GPAT4: variants seen among roughly 807,000 people sequenced by gnomAD.
The protein encoded by GPAT4 is glycerol-3-phosphate acyltransferase 4.
GPAT4 carries 17 observed loss-of-function variants against 58.0 expected under a neutral mutation model. That is an observed-to-expected ratio of 0.29 (90% CI 0.20 to 0.44). GPAT4 has a LOEUF of 0.44. Among genes scored for constraint, GPAT4 ranks in the 20% least tolerant of loss-of-function variants. GPAT4 has a pLI of 1.00. For missense variants in GPAT4, 377 were observed against 574.5 expected, an observed-to-expected ratio of 0.66 and a Z score of 3.51; for synonymous variants, 204 against 210.1, an observed-to-expected ratio of 0.97 and a Z score of 0.25.
At chr8:41,603,746 G>A (rs1585664560) in intron 2 of GPAT4, among the ~76,000 whole-genome samples, 1 of 151,996 alleles carries the variant, frequency 6.6e-6, no homozygotes, top group Non-Finnish European at 1.5e-5. Context: ...CTCTCAGGCC[G>A]CTTGCCCCTG....
chr8:41,604,965 C>T (rs1422772174), intron 2 of GPAT4, among the ~76,000 whole-genome samples: 1 of 152,074 alleles, frequency 6.6e-6, no homozygotes, highest in Non-Finnish European at 1.5e-5. Flanking sequence ...GTCATCCTAC[C>T]CCCGATGAGG....
intron 1 of GPAT4, among the ~76,000 whole-genome samples, chr8:41,586,478 G>A (rs1002790043): frequency 2.0e-5 from 3 of 152,136 alleles, no homozygotes; most frequent in Non-Finnish European, 2.9e-5. Context: ...ACCATTCTCC[G>A]AGCTGCACTG....
At chr8:41,582,359 GAACC>G (rs1802538771) in intron 1 of GPAT4, among the ~76,000 whole-genome samples, 2 of 151,786 alleles carry the variant, frequency 1.3e-5, no homozygotes, top group African/African-American at 2.4e-5. Flanking sequence ...GTTGCACCTA[GAACC>G]TAAAGGCAGT....
intron 2 of GPAT4, among the ~76,000 whole-genome samples, chr8:41,601,212 A>T (rs1182398042): frequency 6.6e-6 from 1 of 152,102 alleles, no homozygotes; most frequent in East Asian, 1.9e-4. Flanking sequence ...CAGCTGCATG[A>T]GCATCGCCAA....
At chr8:41,584,326 T>C (rs1004680418) in intron 1 of GPAT4, among the ~76,000 whole-genome samples, 1 of 152,196 alleles carries the variant, frequency 6.6e-6, no homozygotes, top group African/African-American at 2.4e-5. Flanking sequence ...CCTAGGTATT[T>C]ACCCAAGAGA....
chr8:41,606,381 T>C (rs1405938795), intron 2 of GPAT4, among the ~76,000 whole-genome samples: 1 of 152,034 alleles, frequency 6.6e-6, no homozygotes, highest in Non-Finnish European at 1.5e-5. Flanking sequence ...TTTGCTTGGT[T>C]TGGGTTTGGG....
At chr8:41,604,659 A>T (rs1360025442) in intron 2 of GPAT4, among the ~76,000 whole-genome samples, 1 of 152,250 alleles carries the variant, frequency 6.6e-6, no homozygotes, top group Non-Finnish European at 1.5e-5. Context: ...ATGATGTGAA[A>T]GGAGTTGATC....
rs569965718 is a variant in GPAT4 at position 41,592,190 on chromosome 8, T to C, written c.-848-6102T>C. On this transcript the variant is annotated intron_variant, in intron 1 of 12. Transcript: ENST00000396987. Reference sequence around the variant, plus strand: ...TTTTTATGGGCAGTAGGAAGAAAGATGGTTTAATAGTGCCAATAACACAAC... The same window carrying C: ...TTTTTATGGGCAGTAGGAAGAAAGACGGTTTAATAGTGCCAATAACACAAC... Among the ~76,000 whole-genome samples the C allele has an allele frequency of 7.2e-4, 109 of 152,270 alleles. 2 individuals carry two copies. The highest frequency in any genetic ancestry group is 6.8e-3 in the Middle Eastern group (2 of 294).
chr8:41,606,759 C>A (rs1196886901), intron 2 of GPAT4, among the ~76,000 whole-genome samples: 3 of 152,152 alleles, frequency 2.0e-5, no homozygotes, highest in East Asian at 3.9e-4. Context: ...GAAGAGGTGG[C>A]TTGGCTAGCA....
Position 41,624,454 on chromosome 8 carries a change from C to T in GPAT4, c.*3453C>T, listed in dbSNP as rs1803852214. ...TTGGCCAGGAACTTGATTTTCTGGG[C>T]TATTGCTTGCTAGTGTCCCCTGATG... On this transcript the variant is annotated 3_prime_UTR_variant, in exon 13 of 13. Transcript: ENST00000396987. 6.6e-6 allele frequency: 1 copy of T among 152,226 alleles called. No homozygotes were observed. Among genetic ancestry groups the T allele is most frequent in the Non-Finnish European group, 1.5e-5 (1 of 68,066 alleles). 9.4% of individuals were successfully genotyped at this position (152,226 alleles called of 1,614,324 possible).
chr8:41,612,956 A>G lies in GPAT4; in HGVS notation c.907A>G (p.Lys303Glu), dbSNP rs1419161534. The change falls in exon 8 of 13, where the codon AAG (lysine) becomes GAG (glutamate). Residue 303 changes from lysine (K) to glutamate (E), a missense_variant. By Grantham distance (56) the Lys-to-Glu change is moderately conservative (BLOSUM62 1). Transcript: ENST00000396987. The stretch of plus-strand genomic sequence containing the variant: ...AGTGAAGGATCGCCACCTGGTGGCT[A>G]AGAGGTAATGGACAGAACACTGCTG... Reference protein sequence around the residue: ...SEVKDRHLVAKRLTEHVQDKS... With the variant: ...SEVKDRHLVAERLTEHVQDKS... The G allele has an allele frequency of 6.2e-7, 1 of 1,614,018 alleles. No homozygotes were observed. Among genetic ancestry groups the G allele is most frequent in the Non-Finnish European group, 8.5e-7 (1 of 1,179,916 alleles).
intron 4 of GPAT4, 177 bp from the exon 5 acceptor site, chr8:41,610,557 CAA>C: frequency 6.7e-7 from 1 of 1,498,908 alleles, no homozygotes; most frequent in South Asian, 1.2e-5. Context: ...CAGCTGGAAT[CAA>C]AAGGATCTCT....
chr8:41,578,643 G>T (rs1291600070), intron 1 of GPAT4: 3 of 152,348 alleles, frequency 2.0e-5, no homozygotes, highest in African/African-American at 7.2e-5. Flanking sequence ...GCTGGGCGTT[G>T]GAGCACCAGG....
At chr8:41,609,510 C>T (rs1803378218) in intron 3 of GPAT4, 25 bp downstream of exon 3, 2 of 1,612,176 alleles carry the variant, frequency 1.2e-6, no homozygotes, top group Non-Finnish European at 1.7e-6. Context: ...TGATCCTTGT[C>T]CTGAGAGGTC....
At chr8:41,585,043 C>T (rs1050206230) in intron 1 of GPAT4, 2 of 152,194 alleles carry the variant, frequency 1.3e-5, no homozygotes, top group Non-Finnish European at 2.9e-5. Context: ...TCAACTGAGT[C>T]GCTCTGAGAG....
chr8:41,609,027 T>A (rs1803360922), intron 2 of GPAT4, among the ~76,000 whole-genome samples: 1 of 152,202 alleles, frequency 6.6e-6, no homozygotes, highest in Non-Finnish European at 1.5e-5. Flanking sequence ...TGGCAGGCAG[T>A]AGTTTACAGG....
chr8:41,586,128 C>T (rs2150481602), intron 1 of GPAT4, among the ~76,000 whole-genome samples: 1 of 152,318 alleles, frequency 6.6e-6, no homozygotes, highest in South Asian at 2.1e-4. Flanking sequence ...CAACAATCTA[C>T]TTTCTGTCTG....
chr8:41,612,910 C>T lies in GPAT4; in HGVS notation c.861C>T (p.His287=), dbSNP rs1463375178. 12 of 1,614,060 alleles carry T rather than the reference C, an allele frequency of 7.4e-6. No individual in the cohort carries two copies. The highest frequency in any genetic ancestry group is 1.0e-5 in the Non-Finnish European group (12 of 1,180,022). Residue 287 remains histidine (H), a synonymous_variant, in exon 8 of 13, where the codon CAC becomes CAT. Transcript: ENST00000396987. ...GAGCCATGGTGAAGGCCTGCCCACA[C>T]GTCTGGTTTGAGCGCTCGGAAGTGA... ...IQRAMVKACP[H]VWFERSEVKD... is the part of the protein sequence containing the mutation.
intron 1 of GPAT4, among the ~76,000 whole-genome samples, chr8:41,591,555 A>G (rs1262335205): frequency 6.6e-6 from 1 of 152,242 alleles, no homozygotes; most frequent in Admixed American, 6.5e-5. Context: ...ATGCTGAAGC[A>G]TTTTGGTGAA....
Sources: allele counts gnomAD v4.1 joint callset (sites outside exome capture counted in the v4.1 genomes callset), GRCh38; gene constraint gnomAD v4.1.1; transcripts MANE v1.5; gene names NCBI Gene and HGNC (gene_info 2026-07-23, HGNC 2026-07-21).